ABHD10: variants seen among roughly 807,000 people sequenced by gnomAD.
The protein encoded by ABHD10 is palmitoyl-protein thioesterase ABHD10, mitochondrial.
Under a neutral mutation model 33.1 loss-of-function variants are expected in ABHD10, and 22 were observed. That is an observed-to-expected ratio of 0.66 (90% CI 0.47 to 0.95). ABHD10 has a LOEUF of 0.95. ABHD10 is among the 40% of genes least tolerant of loss of function. The pLI, the probability that ABHD10 is intolerant of heterozygous loss-of-function variation, is 0.00. For synonymous variants in ABHD10, 146 were observed against 133.9 expected, an observed-to-expected ratio of 1.09 and a Z score of -0.62; for missense variants, 352 against 379.9, an observed-to-expected ratio of 0.93 and a Z score of 0.61.
chr3:111,988,001 CTG>C (rs1484423253), intron 4 of ABHD10, among the ~76,000 whole-genome samples: 1 of 152,118 alleles, frequency 6.6e-6, no homozygotes, highest in Non-Finnish European at 1.5e-5. Context: ...GAATCAGAAA[CTG>C]GGGGTATGGC....
At chr3:111,989,251 A>G (rs918084730) in intron 4 of ABHD10, among the ~76,000 whole-genome samples, 1 of 152,220 alleles carries the variant, frequency 6.6e-6, no homozygotes, top group East Asian at 1.9e-4. Flanking sequence ...TCTAATCATT[A>G]TCACCTTCTT....
At position 111,991,378 on chromosome 3, in the gene ABHD10, T is replaced by TA. The variant is rs144220664; in HGVS notation, c.584dup (p.Glu196GlyfsTer16). On this transcript the variant is annotated frameshift_variant and splice_region_variant, in exon 5 of 5. Transcript: ENST00000273359. LOFTEE classifies it high-confidence loss of function. Reference sequence around the variant, plus strand: ...TATTTTTCTTTCTTTTTCCAATAGCTAAAAAAGGAAGTAGAGATGAAAGGT... The same window carrying TA: ...TATTTTTCTTTCTTTTTCCAATAGCTAAAAAAAGGAAGTAGAGATGAAAGGT... The TA allele has an allele frequency of 1.3e-6, 2 of 1,592,690 alleles. No individual in the cohort carries two copies. Among genetic ancestry groups the TA allele is most frequent in the South Asian group, 2.3e-5 (2 of 85,842 alleles).
intron 4 of ABHD10, among the ~76,000 whole-genome samples, chr3:111,988,235 A>T (rs980762342): frequency 6.6e-6 from 1 of 152,204 alleles, no homozygotes; most frequent in African/African-American, 2.4e-5. Flanking sequence ...TAAGCTCCTT[A>T]AGAAATAGCA....
At chr3:111,981,311 CAAA>C (rs11301143) in intron 1 of ABHD10, among the ~76,000 whole-genome samples, 7 of 91,202 alleles carry the variant, frequency 7.7e-5, no homozygotes, top group Admixed American at 1.2e-4. Flanking sequence ...GACCCTGTCT[CAAA>C]AAAAAAAAAA....
chr3:111,980,865 A>T (rs1304568962), intron 1 of ABHD10, among the ~76,000 whole-genome samples: 3 of 152,174 alleles, frequency 2.0e-5, no homozygotes, highest in Non-Finnish European at 4.4e-5. Context: ...ATGAGTTGTT[A>T]CCATGGCTCA....
At chr3:111,982,908 C>A (rs2072603758) in intron 2 of ABHD10, among the ~76,000 whole-genome samples, 1 of 152,032 alleles carries the variant, frequency 6.6e-6, no homozygotes, top group African/African-American at 2.4e-5. Context: ...AATCTTATTT[C>A]TTTTACCAAA....
chr3:111,985,243 T>G (rs1053581224), intron 2 of ABHD10, among the ~76,000 whole-genome samples: 2 of 152,156 alleles, frequency 1.3e-5, no homozygotes, highest in African/African-American at 4.8e-5. Context: ...TGACTAGAGT[T>G]TAGGTAACCT....
chr3:111,991,232 A>G (rs893512111), intron 4 of ABHD10, 145 bp from the exon 5 acceptor site: 2 of 649,294 alleles, frequency 3.1e-6, no homozygotes, highest in Admixed American at 3.2e-5. Flanking sequence ...GCATGTAGTA[A>G]TTATTGATAA....
In ABHD10 at chr3:111,991,976, A is replaced by C; in HGVS notation, c.*255A>C. The C allele has an allele frequency of 2.9e-6, 1 of 340,202 alleles. No homozygotes were observed. The highest frequency in any genetic ancestry group is 5.2e-6 in the Non-Finnish European group (1 of 190,640). The allele number at this position is 340,202 out of a possible 1,614,324, so 21.1% of individuals were successfully genotyped here. Reference sequence around the variant, plus strand: ...TATTTCCTTTTTTTAATTCAAGAAAAGTTTACCTTTCTTATGCTTATGTTA... The same window carrying C: ...TATTTCCTTTTTTTAATTCAAGAAACGTTTACCTTTCTTATGCTTATGTTA... On this transcript the variant is annotated 3_prime_UTR_variant, in exon 5 of 5. Transcript: ENST00000273359.
At position 111,986,901 on chromosome 3, in the gene ABHD10, A is replaced by T; in HGVS notation, c.439-13A>T. The T allele has an allele frequency of 6.4e-7, 1 of 1,568,882 alleles. No individual in the cohort carries two copies. Among genetic ancestry groups the T allele is most frequent in the Non-Finnish European group, 8.6e-7 (1 of 1,163,872 alleles). On this transcript the variant is annotated splice_polypyrimidine_tract_variant and intron_variant, in intron 3 of 4. Transcript: ENST00000273359. ...TCTTAAAGACCTAATGTTTTATTTT[A>T]TTTTATTTTTAGATTCTTGTTGGAT...
chr3:111,987,436 A>T (rs996436091), intron 4 of ABHD10, among the ~76,000 whole-genome samples: 1 of 152,070 alleles, frequency 6.6e-6, no homozygotes, highest in African/African-American at 2.4e-5. Flanking sequence ...GCCTGTTCTT[A>T]TGACTATGTT....
chr3:111,985,314 AG>A (rs1341958171), intron 2 of ABHD10, among the ~76,000 whole-genome samples: 1 of 152,158 alleles, frequency 6.6e-6, no homozygotes, highest in East Asian at 1.9e-4. Context: ...ACCCTTAAGG[AG>A]AGGTAAAATT....
intron 2 of ABHD10, among the ~76,000 whole-genome samples, chr3:111,982,853 A>G (rs2072603218): frequency 6.6e-6 from 1 of 152,166 alleles, no homozygotes; most frequent in African/African-American, 2.4e-5. Context: ...TACCTGTTCA[A>G]TATATTAGCA....
At position 111,979,633 on chromosome 3, in the gene ABHD10, T is replaced by C. The variant is rs533664044; in HGVS notation, c.142+430T>C. On this transcript the variant is annotated intron_variant, in intron 1 of 4. Transcript: ENST00000273359. ...ATGCGAGGCATGTTCTTTGTAAAAG[T>C]GTAGACGCCCTCATAAGCCTAATTT... 2.0e-5 allele frequency among the ~76,000 whole-genome samples: 3 copies of C among 152,370 alleles called. No homozygotes were observed. In the East Asian group the frequency reaches 5.8e-4, roughly 29 times the overall value.
chr3:111,986,399 G>A (rs200365124), intron 3 of ABHD10, 24 bp downstream of exon 3: 1 of 1,484,874 alleles, frequency 6.7e-7, no homozygotes, highest in African/African-American at 1.4e-5. Flanking sequence ...TAAGTATGAT[G>A]ATAATTACTG....
At chr3:111,984,103 A>G (rs944186788) in intron 2 of ABHD10, among the ~76,000 whole-genome samples, 4 of 152,128 alleles carry the variant, frequency 2.6e-5, no homozygotes, top group African/African-American at 7.2e-5. Context: ...GCCATATCCA[A>G]TTGCCACCTA....
At chr3:111,982,323 C>G (rs968145001) in intron 2 of ABHD10, 21 of 167,520 alleles carry the variant, frequency 1.3e-4, no homozygotes, top group Admixed American at 1.9e-4. Flanking sequence ...TTTATTTGAT[C>G]ACTGTTTATC....
chr3:111,987,165 T>C, intron 4 of ABHD10, 114 bp downstream of exon 4: 1 of 1,231,568 alleles, frequency 8.1e-7, no homozygotes, highest in East Asian at 2.5e-5. Flanking sequence ...TGACTTACTG[T>C]GCTGGCCCAA....
In ABHD10 at chr3:111,981,983, T is replaced by G. The variant is rs770972905; in HGVS notation, c.326+16T>G. The G allele has an allele frequency of 7.4e-5, 109 of 1,466,960 alleles. No homozygotes were observed. The Admixed American group carries it at 2.0e-3, about 28-fold the overall frequency. 90.9% of individuals were successfully genotyped at this position (1,466,960 alleles called of 1,614,324 possible). A position where few individuals can be genotyped will look rare whatever the true frequency, so the allele number is the denominator to read the frequency against. ...CCTGCATAAGGTAGGAACAACACAT[T>G]ACTGAGAAAATATTGCTACTGTTAG... On this transcript the variant is annotated intron_variant, in intron 2 of 4. Coordinates refer to ENST00000273359, the MANE Select transcript of ABHD10 (RefSeq NM_018394.4).
Sources: allele counts gnomAD v4.1 joint callset (sites outside exome capture counted in the v4.1 genomes callset), GRCh38; gene constraint gnomAD v4.1.1; transcripts MANE v1.5; gene names NCBI Gene and HGNC (gene_info 2026-07-23, HGNC 2026-07-21).